The following ABCC4 variants were observed in gnomAD, a reference collection of about 807,000 sequenced individuals.
The protein encoded by ABCC4 is ATP-binding cassette sub-family C member 4.
In ABCC4, 102 loss-of-function variants were observed where a neutral mutation model predicts 168.5. That is an observed-to-expected ratio of 0.61 (90% CI 0.52 to 0.71). The LOEUF (loss-of-function observed/expected upper bound fraction) is 0.71. Ranked by LOEUF, ABCC4 falls within the 30% of genes least tolerant of loss-of-function variation. The pLI is 0.00. For synonymous variants in ABCC4, 617 were observed against 590.7 expected (o/e 1.04, Z -0.65); for missense variants, 1,402 against 1,605.8 (o/e 0.87, Z 2.17).
chr13:95,088,182 A>G (rs1332365514), intron 20 of ABCC4, among the ~76,000 whole-genome samples: 1 of 152,170 alleles, frequency 6.6e-6, no homozygotes, highest in Non-Finnish European at 1.5e-5. Context: ...TATCTCACTG[A>G]CAGATGGTTT....
In ABCC4 at chr13:95,138,587, G is replaced by A. The variant is rs74105441; in HGVS notation, c.2456-22586C>T. Among the ~76,000 whole-genome samples, 1,201 of 152,234 alleles carry A rather than the reference G, an allele frequency of 7.9e-3. 11 individuals carry two copies. The highest frequency in any genetic ancestry group is 0.027 in the African/African-American group (1,120 of 41,530). On this transcript the variant is annotated intron_variant, in intron 19 of 30. Transcript: ENST00000645237. ...GCCTGGAATCTCAGCACTTTATGAGGCCCAGGCAGTAGGATCACCTGAGGC... is the reference window on the plus strand; with the variant it reads ...GCCTGGAATCTCAGCACTTTATGAGACCCAGGCAGTAGGATCACCTGAGGC...
intron 1 of ABCC4, among the ~76,000 whole-genome samples, chr13:95,253,996 G>A (rs186598491): frequency 8.5e-5 from 13 of 152,082 alleles, no homozygotes; most frequent in Non-Finnish European, 1.2e-4. Context: ...AGGCCCAAGC[G>A]GTCCTCTCAC....
intron 11 of ABCC4, among the ~76,000 whole-genome samples, chr13:95,186,052 G>A (rs2038047763): frequency 1.3e-5 from 2 of 151,834 alleles, no homozygotes; most frequent in Admixed American, 6.6e-5. Flanking sequence ...CCAAGTGCAC[G>A]GTGCAGACAT....
chr13:95,284,276 T>C (rs541445093), intron 1 of ABCC4, among the ~76,000 whole-genome samples: 8 of 152,250 alleles, frequency 5.3e-5, no homozygotes, highest in Admixed American at 1.3e-4. Context: ...AGCCACAACC[T>C]CCTGGGCTCA....
chr13:95,253,311 T>C (rs1242526166), intron 1 of ABCC4, among the ~76,000 whole-genome samples: 1 of 152,138 alleles, frequency 6.6e-6, no homozygotes, highest in Non-Finnish European at 1.5e-5. Context: ...GAAAGGCTAT[T>C]GCATTTCACT....
At position 95,020,829 on chromosome 13, in the gene ABCC4, C is replaced by T. The variant is rs966263617; in HGVS notation, c.*746G>A. On this transcript the variant is annotated 3_prime_UTR_variant, in exon 31 of 31. Coordinates refer to ENST00000645237, the MANE Select transcript of ABCC4 (RefSeq NM_005845.5). ...GCTGAGTCTAAAACTGCAACAGTTA[C>T]CGTGTCCAAGTCATGCAACTCTAAA... 6.6e-6 allele frequency: 1 copy of T among 152,422 alleles called. No individual in the cohort carries two copies. The highest frequency in any genetic ancestry group is 1.5e-5 in the Non-Finnish European group (1 of 68,034). The allele number at this position is 152,422 out of a possible 1,614,324, so 9.4% of individuals were successfully genotyped here.
intron 1 of ABCC4, among the ~76,000 whole-genome samples, chr13:95,255,645 G>A (rs376565815): frequency 3.3e-5 from 5 of 152,122 alleles, no homozygotes; most frequent in South Asian, 4.2e-4. Context: ...CCTAAAACAC[G>A]CTCAAAGCCC....
At position 95,064,281 on chromosome 13, in the gene ABCC4, TATATATATATATATATAC is replaced by T. The variant is rs2033430186; in HGVS notation, c.3211-1440_3211-1423del. ...GTGTGTATATATATATATATATATA[TATATATATATATATATAC>T]ACACACACACACCAATTGAATTTCT... is the stretch of plus-strand genomic sequence containing the variant. On this transcript the variant is annotated intron_variant, in intron 25 of 30. Transcript: ENST00000645237. 3.0e-5 allele frequency among the ~76,000 whole-genome samples: 4 copies of T among 133,712 alleles called. No homozygotes were observed. The East Asian group carries it at 6.3e-4, about 21-fold the overall frequency. 87.7% of individuals were successfully genotyped at this position (133,712 alleles called of 152,430 possible).
In ABCC4 at chr13:95,075,545, C is replaced by A. The variant is rs1258580093; in HGVS notation, c.2693G>T (p.Ser898Ile). The A allele has an allele frequency of 6.2e-7, 1 of 1,614,090 alleles. No homozygotes were observed. ...AGATGATAAGTGGGAAAACACTGGA[C>A]TCCGAGCTGGGGAAACAGACAGAGA... ...DVKRLESTTR[S>I]PVFSHLSSSL... The change falls in exon 22 of 31, where the codon AGT (serine) becomes ATT (isoleucine). Residue 898 changes from serine (S) to isoleucine (I), a missense_variant. This residue lies in a region of ABCC4 where 1,007 missense variants were observed against 1,127.3 expected (regional missense o/e 0.89). Transcript: ENST00000645237.
intron 3 of ABCC4, among the ~76,000 whole-genome samples, chr13:95,239,689 C>T (rs1197961993): frequency 6.6e-6 from 1 of 152,070 alleles, no homozygotes; most frequent in Non-Finnish European, 1.5e-5. Context: ...ATATACAGAA[C>T]AAGCAATAAC....
At position 95,075,501 on chromosome 13, in the gene ABCC4, TC is replaced by T. The variant is rs1566395373; in HGVS notation, c.2736del (p.Trp912Ter). On this transcript the variant is annotated frameshift_variant, in exon 22 of 31. Coordinates refer to ENST00000645237, the MANE Select transcript of ABCC4 (RefSeq NM_005845.5). LOFTEE classifies it high-confidence loss of function. ...TCTTCTGCTTTGTATGCCCGGATGG[TC>T]CAGAGCCCCTGGAGAGAAGATGATA... The part of the protein sequence containing the change: ...SHLSSSLQGL[W>X]TIRAYKAEER... The T allele has an allele frequency of 6.2e-7, 1 of 1,614,024 alleles. No individual in the cohort carries two copies. Among genetic ancestry groups the T allele is most frequent in the South Asian group, 1.1e-5 (1 of 91,066 alleles).
In ABCC4 at chr13:95,186,675, C is replaced by A. The variant is rs759819399; in HGVS notation, c.1545+26G>T. 8.1e-6 allele frequency: 13 copies of A among 1,600,950 alleles called. No homozygotes were observed. The South Asian group carries it at 1.3e-4, about 16-fold the overall frequency. On this transcript the variant is annotated intron_variant, in intron 11 of 30. Coordinates refer to ENST00000645237, the MANE Select transcript of ABCC4 (RefSeq NM_005845.5). ...ACTAGTATTACTGGACATTCGAGTACATGAAATCCAAAAGTCATCACTCAC... is the reference window on the plus strand; with the variant it reads ...ACTAGTATTACTGGACATTCGAGTAAATGAAATCCAAAAGTCATCACTCAC...
chr13:95,290,437 T>C (rs2138948671), intron 1 of ABCC4, among the ~76,000 whole-genome samples: 1 of 151,376 alleles, frequency 6.6e-6, no homozygotes, highest in East Asian at 2.0e-4. Context: ...GGGTGTGGTG[T>C]CTCACGCCTG....
chr13:95,206,474 G>A, intron 8 of ABCC4, 58 bp downstream of exon 8: 1 of 1,586,622 alleles, frequency 6.3e-7, no homozygotes, highest in Non-Finnish European at 8.6e-7. Flanking sequence ...CTAAATAAAA[G>A]GAGACATCAT....
intron 20 of ABCC4, among the ~76,000 whole-genome samples, chr13:95,093,434 C>CA (rs932245813): frequency 2.1e-4 from 32 of 152,000 alleles, no homozygotes; most frequent in African/African-American, 7.2e-4. Context: ...AAATTAAAAC[C>CA]AAAAAATCAC....
intron 4 of ABCC4, among the ~76,000 whole-genome samples, chr13:95,213,476 A>G (rs1305092164): frequency 6.6e-6 from 1 of 152,150 alleles, no homozygotes; most frequent in Non-Finnish European, 1.5e-5. Flanking sequence ...TTCAGTAGGG[A>G]TTTACCCAGG....
intron 4 of ABCC4, among the ~76,000 whole-genome samples, chr13:95,230,504 C>A (rs573695635): frequency 6.6e-6 from 1 of 152,308 alleles, no homozygotes; most frequent in Admixed American, 6.5e-5. Context: ...CGGCCGGGTA[C>A]AGTGGCTCAC....
chr13:95,187,223 T>C (rs538742597), intron 10 of ABCC4, among the ~76,000 whole-genome samples: 59 of 152,344 alleles, frequency 3.9e-4, no homozygotes, highest in Admixed American at 7.2e-4. Flanking sequence ...ATGACATATA[T>C]AGTTCATATA....
intron 4 of ABCC4, among the ~76,000 whole-genome samples, chr13:95,220,330 C>G (rs9302048): frequency 0.29 from 44,085 of 152,016 alleles, 6,853 homozygotes; most frequent in Non-Finnish European, 0.34. Context: ...AAGAATCAGT[C>G]AAAATGAAAA....
Sources: gnomAD v4.1 joint callset for allele counts (sites outside exome capture counted in the v4.1 genomes callset) on GRCh38, gnomAD v4.1.1 for gene constraint, gnomAD v4.1.1 regional missense constraint, MANE v1.5 for transcripts, NCBI Gene and HGNC (gene_info 2026-07-23, HGNC 2026-07-21) for gene names.